The following GHR variants were observed in gnomAD, a reference collection of about 807,000 sequenced individuals.
GHR encodes GH receptor.
Under a neutral mutation model 67.1 loss-of-function variants are expected in GHR, and 35 were observed. The observed-to-expected ratio is 0.52, with a 90% CI of 0.40 to 0.69. GHR has a LOEUF of 0.69. Ranked by LOEUF, GHR falls within the 30% of genes least tolerant of loss-of-function variation. The pLI, the probability that GHR is intolerant of heterozygous loss-of-function variation, is 0.00. For synonymous variants in GHR, 272 were observed against 269.1 expected, an observed-to-expected ratio of 1.01 and a Z score of -0.10; for missense variants, 792 against 764.6, an observed-to-expected ratio of 1.04 and a Z score of -0.42.
intron 1 of GHR, among the ~76,000 whole-genome samples, chr5:42,505,291 C>T (rs1746721703): frequency 6.6e-6 from 1 of 151,838 alleles, no homozygotes; most frequent in Non-Finnish European, 1.5e-5. Flanking sequence ...TGTTTGAGCC[C>T]AGTCCAAGTC....
At chr5:42,657,970 A>G (rs1755346451) in intron 3 of GHR, among the ~76,000 whole-genome samples, 1 of 152,050 alleles carries the variant, frequency 6.6e-6, no homozygotes, top group Non-Finnish European at 1.5e-5. Context: ...CAGGCTGAAA[A>G]CTTTTCAGAA....
At chr5:42,542,711 C>T (rs1222395228) in intron 1 of GHR, among the ~76,000 whole-genome samples, 1 of 152,078 alleles carries the variant, frequency 6.6e-6, no homozygotes, top group Non-Finnish European at 1.5e-5. Context: ...GTAGTGAAGT[C>T]TGAGATTTTA....
At chr5:42,650,095 G>A (rs1305587926) in intron 3 of GHR, among the ~76,000 whole-genome samples, 3 of 152,106 alleles carry the variant, frequency 2.0e-5, no homozygotes, top group Non-Finnish European at 2.9e-5. Flanking sequence ...GGGAAGGGTC[G>A]TGGGTGACGG....
intron 1 of GHR, chr5:42,465,833 G>A: frequency 1.3e-6 from 1 of 766,974 alleles, no homozygotes; most frequent in Non-Finnish European, 2.4e-6. Flanking sequence ...ACCTTGAATA[G>A]GTCGGTCAAT....
At chr5:42,478,916 A>C (rs1282285724) in intron 1 of GHR, among the ~76,000 whole-genome samples, 2 of 152,166 alleles carry the variant, frequency 1.3e-5, no homozygotes, top group South Asian at 4.1e-4. Flanking sequence ...AACTTCCAAC[A>C]CTATGTTGAA....
intron 1 of GHR, among the ~76,000 whole-genome samples, chr5:42,490,678 A>T (rs975630855): frequency 1.3e-5 from 2 of 152,220 alleles, no homozygotes; most frequent in African/African-American, 2.4e-5. Context: ...ATTGCCTTCC[A>T]TTTCCTACTG....
intron 2 of GHR, among the ~76,000 whole-genome samples, chr5:42,590,754 A>T (rs999227360): frequency 6.6e-6 from 1 of 152,232 alleles, no homozygotes; most frequent in African/African-American, 2.4e-5. Flanking sequence ...TGACATTCTA[A>T]CAGGTGACTT....
At chr5:42,548,217 A>T in intron 1 of GHR, 32 of 981,184 alleles carry the variant, frequency 3.3e-5, no homozygotes, top group Non-Finnish European at 3.9e-5. Context: ...GGTACCAGAT[A>T]TGTGTGTGTG....
intron 2 of GHR, among the ~76,000 whole-genome samples, chr5:42,623,003 A>G (rs1753529935): frequency 6.6e-6 from 1 of 152,178 alleles, no homozygotes; most frequent in African/African-American, 2.4e-5. Context: ...ACAAAGTCTA[A>G]TGTAAACACA....
chr5:42,651,791 C>T (rs114956192), intron 3 of GHR, among the ~76,000 whole-genome samples: 1,658 of 152,010 alleles, frequency 0.011, 26 homozygotes, highest in African/African-American at 0.039. Flanking sequence ...TTTTAATGTT[C>T]TACTAAATCC....
chr5:42,536,618 T>G (rs1748268561), intron 1 of GHR, among the ~76,000 whole-genome samples: 1 of 152,102 alleles, frequency 6.6e-6, no homozygotes. Context: ...TATCGGTCTG[T>G]AGTTTTCTTT....
intron 2 of GHR, among the ~76,000 whole-genome samples, chr5:42,611,511 T>C (rs1360248993): frequency 6.6e-6 from 1 of 152,174 alleles, no homozygotes; most frequent in Non-Finnish European, 1.5e-5. Flanking sequence ...CCCCTTCCCA[T>C]GGGCCAAGCC....
Position 42,716,372 on chromosome 5 carries a change from T to C in GHR, c.876-1680T>C, listed in dbSNP as rs182356303. On this transcript the variant is annotated intron_variant, in intron 8 of 9. Transcript: ENST00000230882. ...CATAAGGATTAAGTGAAATGTTTAGTGCAGGGGTCACAAACTTATTTCATA... is the reference window on the plus strand; with the variant it reads ...CATAAGGATTAAGTGAAATGTTTAGCGCAGGGGTCACAAACTTATTTCATA... Among the ~76,000 whole-genome samples, 27 of 152,330 alleles carry C rather than the reference T, an allele frequency of 1.8e-4. No homozygotes were observed. In the East Asian group the frequency reaches 5.0e-3, roughly 28 times the overall value.
chr5:42,541,172 G>A (rs1222029658), intron 1 of GHR, among the ~76,000 whole-genome samples: 2 of 152,070 alleles, frequency 1.3e-5, no homozygotes, highest in African/African-American at 4.8e-5. Context: ...AGCTCATGTA[G>A]TTGACAATCT....
In GHR at chr5:42,717,976, T is replaced by G. The variant is rs930610675; in HGVS notation, c.876-76T>G. On this transcript the variant is annotated intron_variant, in intron 8 of 9. Transcript: ENST00000230882. ...AAAAAGTAATAGTATTGCCAATATT[T>G]TATTTCTATCTTTTGCTATAATTGA... The G allele has an allele frequency of 6.4e-6, 5 of 776,886 alleles. No individual in the cohort carries two copies. The African/African-American group carries it at 6.9e-5, about 11-fold the overall frequency. 48.1% of individuals were successfully genotyped at this position (776,886 alleles called of 1,614,324 possible).
chr5:42,440,726 G>T (rs896436300), intron 1 of GHR, among the ~76,000 whole-genome samples: 6 of 152,172 alleles, frequency 3.9e-5, no homozygotes, highest in Non-Finnish European at 7.3e-5. Context: ...GTAGGCCAGA[G>T]GTATTGGTAG....
chr5:42,519,113 T>C (rs1049895269), intron 1 of GHR, among the ~76,000 whole-genome samples: 1 of 152,142 alleles, frequency 6.6e-6, no homozygotes, highest in African/African-American at 2.4e-5. Context: ...ATAAATAATA[T>C]CGTATATACT....
chr5:42,475,592 T>C (rs561623886), intron 1 of GHR, among the ~76,000 whole-genome samples: 1 of 152,096 alleles, frequency 6.6e-6, no homozygotes, highest in East Asian at 1.9e-4. Flanking sequence ...TTATGTATTT[T>C]TTTTTTTTCT....
chr5:42,474,287 A>AAG (rs1561325388), intron 1 of GHR, among the ~76,000 whole-genome samples: 2 of 26,594 alleles, frequency 7.5e-5, no homozygotes, highest in African/African-American at 1.6e-4. Flanking sequence ...AAGAAAGAAA[A>AAG]AGAGAAAGAG....
Sources: allele counts gnomAD v4.1 joint callset (sites outside exome capture counted in the v4.1 genomes callset), GRCh38; gene constraint gnomAD v4.1.1; transcripts MANE v1.5; gene names NCBI Gene and HGNC (gene_info 2026-07-23, HGNC 2026-07-21).